The following CACNB4 variants were observed in gnomAD, a reference collection of about 807,000 sequenced individuals.
The protein encoded by CACNB4 is voltage-dependent L-type calcium channel subunit beta-4.
Under a neutral mutation model 71.2 loss-of-function variants are expected in CACNB4, and 32 were observed. That is an observed-to-expected ratio of 0.45 (90% CI 0.34 to 0.60). The LOEUF (loss-of-function observed/expected upper bound fraction) is 0.60, where lower values mean the gene tolerates loss of function less well. CACNB4 is among the 20% of genes least tolerant of loss of function. The probability of loss-of-function intolerance (pLI) is 0.01; values close to 1 mark genes in which losing one functional copy is unlikely to be tolerated. For missense variants in CACNB4, 464 were observed against 647.9 expected (o/e 0.72, Z 3.08); for synonymous variants, 231 against 236.9 (o/e 0.97, Z 0.23).
intron 2 of CACNB4, among the ~76,000 whole-genome samples, chr2:151,988,337 C>G (rs1293262298): frequency 1.3e-5 from 2 of 152,102 alleles, no homozygotes; most frequent in African/African-American, 4.8e-5. Context: ...GCCCTAAATG[C>G]CTCCAATTTT....
intron 9 of CACNB4, chr2:151,861,111 C>G: frequency 2.9e-6 from 1 of 347,582 alleles, no homozygotes; most frequent in Non-Finnish European, 5.2e-6. Context: ...ATACACCACA[C>G]CAGGAAGGAA....
At chr2:152,008,444 G>A (rs55735460) in intron 2 of CACNB4, among the ~76,000 whole-genome samples, 65,861 of 151,698 alleles carry the variant, frequency 0.43, 16,198 homozygotes, top group Non-Finnish European at 0.57. Flanking sequence ...GCACCACCAC[G>A]CTCAGCTAAT....
At chr2:151,848,982 A>G (rs1035137971) in intron 12 of CACNB4, among the ~76,000 whole-genome samples, 2 of 152,182 alleles carry the variant, frequency 1.3e-5, no homozygotes, top group Non-Finnish European at 2.9e-5. Flanking sequence ...TATAATGGCA[A>G]TACAAAATCA....
In CACNB4 at chr2:151,833,019, T is replaced by C. The variant is rs2099834148; in HGVS notation, c.*6100A>G. 6.6e-6 allele frequency: 1 copy of C among 152,154 alleles called. No individual in the cohort carries two copies. The highest frequency in any genetic ancestry group is 6.5e-5 in the Admixed American group (1 of 15,268). The allele number at this position is 152,154 out of a possible 1,614,324, so 9.4% of individuals were successfully genotyped here. On this transcript the variant is annotated 3_prime_UTR_variant, in exon 14 of 14. Coordinates refer to ENST00000539935, the MANE Select transcript of CACNB4 (RefSeq NM_000726.5). ...CATAGTATATTTTACCCAGCATGCC[T>C]TGTAGAATGCTACACATACCTAGAT...
intron 2 of CACNB4, among the ~76,000 whole-genome samples, chr2:152,078,034 G>A (rs767597981): frequency 1.3e-4 from 20 of 152,162 alleles, no homozygotes; most frequent in Admixed American, 2.6e-4. Context: ...CGGCGGTGGC[G>A]CAAGCTGAGA....
intron 12 of CACNB4, chr2:151,850,115 T>TC (rs2099838642): frequency 6.6e-6 from 1 of 151,802 alleles, no homozygotes; most frequent in South Asian, 2.1e-4. Flanking sequence ...TTATCTTTTC[T>TC]TTTTCTTTTC....
chr2:151,936,222 G>A (rs963892287), intron 2 of CACNB4: 4 of 152,220 alleles, frequency 2.6e-5, no homozygotes, highest in Non-Finnish European at 5.9e-5. Context: ...TTCCCAAGGA[G>A]CAGAAGTTCA....
intron 3 of CACNB4, among the ~76,000 whole-genome samples, chr2:151,882,181 CTTTTTT>C (rs35206904): frequency 5.9e-5 from 3 of 50,794 alleles, no homozygotes; most frequent in South Asian, 1.4e-3. Context: ...ACCGGCCCCT[CTTTTTT>C]TTTTTTTTTT....
chr2:151,905,492 T>G (rs2099854562), intron 2 of CACNB4, among the ~76,000 whole-genome samples: 1 of 152,222 alleles, frequency 6.6e-6, no homozygotes, highest in Non-Finnish European at 1.5e-5. Context: ...TTGCAAGTCT[T>G]GAGTAGAAAG....
At chr2:152,038,396 A>G (rs1684705932) in intron 2 of CACNB4, among the ~76,000 whole-genome samples, 1 of 152,156 alleles carries the variant, frequency 6.6e-6, no homozygotes, top group Non-Finnish European at 1.5e-5. Flanking sequence ...TGCAGCTTCT[A>G]CTGACAGACA....
At chr2:152,013,166 T>C (rs1017578905) in intron 2 of CACNB4, among the ~76,000 whole-genome samples, 1 of 152,224 alleles carries the variant, frequency 6.6e-6, no homozygotes, top group Non-Finnish European at 1.5e-5. Context: ...TAGGTTTGTG[T>C]AAGTGCATTT....
At chr2:152,097,780 C>T (rs1215830368) in intron 2 of CACNB4, among the ~76,000 whole-genome samples, 1 of 152,212 alleles carries the variant, frequency 6.6e-6, no homozygotes, top group African/African-American at 2.4e-5. Flanking sequence ...AGCTGTCTTT[C>T]CCTAACTAAG....
chr2:151,903,021 T>C (rs984554840), intron 2 of CACNB4, among the ~76,000 whole-genome samples: 10 of 152,190 alleles, frequency 6.6e-5, no homozygotes, highest in Admixed American at 5.9e-4. Context: ...AGTTTCCAGA[T>C]AAGAAATTAA....
chr2:151,997,726 C>T (rs1682145371), intron 2 of CACNB4, among the ~76,000 whole-genome samples: 1 of 152,154 alleles, frequency 6.6e-6, no homozygotes, highest in Non-Finnish European at 1.5e-5. Flanking sequence ...CTGCTGACAC[C>T]TTGATTTCCA....
intron 9 of CACNB4, among the ~76,000 whole-genome samples, chr2:151,862,712 A>T (rs1455662793): frequency 2.0e-5 from 3 of 152,166 alleles, no homozygotes; most frequent in African/African-American, 7.2e-5. Flanking sequence ...CAACTTTTTC[A>T]TCTTACCAAG....
chr2:151,878,755 C>A (rs1479575165), intron 4 of CACNB4, among the ~76,000 whole-genome samples: 1 of 149,954 alleles, frequency 6.7e-6, no homozygotes, highest in African/African-American at 2.5e-5. Context: ...CTAGACTACA[C>A]AATTAGCTGG....
chr2:152,042,298 C>T (rs999316234), intron 2 of CACNB4, among the ~76,000 whole-genome samples: 2 of 152,220 alleles, frequency 1.3e-5, no homozygotes, highest in African/African-American at 4.8e-5. Flanking sequence ...GGAACGCTTT[C>T]CAATTCCATT....
At chr2:151,846,658 T>C (rs1370441524) in intron 12 of CACNB4, among the ~76,000 whole-genome samples, 2 of 152,192 alleles carry the variant, frequency 1.3e-5, no homozygotes, top group African/African-American at 2.4e-5. Flanking sequence ...GCTCGGGTGA[T>C]TGTCCCACCT....
At chr2:152,072,633 T>C (rs1461207268) in intron 2 of CACNB4, among the ~76,000 whole-genome samples, 1 of 151,982 alleles carries the variant, frequency 6.6e-6, no homozygotes, top group East Asian at 1.9e-4. Flanking sequence ...ATTACCTCCA[T>C]TTCTTTTTCT....
Sources: gnomAD v4.1 joint callset for allele counts (sites outside exome capture counted in the v4.1 genomes callset) on GRCh38, gnomAD v4.1.1 for gene constraint, MANE v1.5 for transcripts, NCBI Gene and HGNC (gene_info 2026-07-23, HGNC 2026-07-21) for gene names.